Variants in ASTN2 observed in about 807,000 individuals in gnomAD.
ASTN2 encodes the protein astrotactin-2.
ASTN2 carries 54 observed loss-of-function variants against 139.8 expected under a neutral mutation model. That is an observed-to-expected ratio of 0.39 (90% confidence interval 0.31 to 0.48). The LOEUF is 0.48. ASTN2 is among the 20% of genes least tolerant of loss of function. The pLI is 0.95. For synonymous variants in ASTN2, 756 were observed against 719.5 expected (o/e 1.05, Z -0.81); for missense variants, 1,565 against 1,725.1 (o/e 0.91, Z 1.64).
intron 10 of ASTN2, among the ~76,000 whole-genome samples, chr9:116,864,299 G>A (rs1359863307): frequency 6.6e-6 from 1 of 152,094 alleles, no homozygotes; most frequent in Non-Finnish European, 1.5e-5. Context: ...GCAGAGCCAA[G>A]ACACAAACGC....
chr9:116,594,196 G>A (rs1211998232), intron 19 of ASTN2, among the ~76,000 whole-genome samples: 1 of 152,200 alleles, frequency 6.6e-6, no homozygotes, highest in Non-Finnish European at 1.5e-5. Context: ...TACATCAATA[G>A]TAATCTTGTG....
chr9:117,094,181 AGGGAG>A (rs1828781071), intron 5 of ASTN2, among the ~76,000 whole-genome samples: 1 of 74,306 alleles, frequency 1.3e-5, no homozygotes, highest in Non-Finnish European at 2.6e-5. Flanking sequence ...GAAGGGAGGG[AGGGAG>A]GAGAGGAGAG....
chr9:117,228,897 AG>A (rs1323604366), intron 2 of ASTN2, among the ~76,000 whole-genome samples: 2 of 151,984 alleles, frequency 1.3e-5, no homozygotes, highest in African/African-American at 2.4e-5. Flanking sequence ...TGCCTATATT[AG>A]GGGGGCTGAG....
At chr9:116,855,800 G>A (rs548451822) in intron 11 of ASTN2, among the ~76,000 whole-genome samples, 1 of 152,272 alleles carries the variant, frequency 6.6e-6, no homozygotes, top group South Asian at 2.1e-4. Context: ...TAAAATGGGA[G>A]TAATAATAAT....
At position 117,085,629 on chromosome 9, in the gene ASTN2, T is replaced by G. The variant is rs115361796; in HGVS notation, c.1276+10415A>C. 8.3e-3 allele frequency among the ~76,000 whole-genome samples: 1,260 copies of G among 152,306 alleles called. 18 individuals carry two copies. Among genetic ancestry groups the G allele is most frequent in the African/African-American group, 0.029 (1,214 of 41,568 alleles). On this transcript the variant is annotated intron_variant, in intron 5 of 22. Transcript: ENST00000313400. Reference sequence around the variant, plus strand: ...GGATGCTGCCTTTTGTCCTCCATACTGAACTAACTTTTCAGTGCCTGAGCT... The same window carrying G: ...GGATGCTGCCTTTTGTCCTCCATACGGAACTAACTTTTCAGTGCCTGAGCT...
chr9:117,352,140 C>T (rs1829411432), intron 1 of ASTN2, among the ~76,000 whole-genome samples: 1 of 152,114 alleles, frequency 6.6e-6, no homozygotes, highest in Admixed American at 6.5e-5. Flanking sequence ...TGTCTTCAGC[C>T]CTGGGCTGAG....
At chr9:116,565,423 A>G (rs5017822) in intron 19 of ASTN2, among the ~76,000 whole-genome samples, 2 of 67,726 alleles carry the variant, frequency 3.0e-5, no homozygotes, top group Non-Finnish European at 5.8e-5. Flanking sequence ...ATATATATAT[A>G]TATATATTTA....
chr9:116,931,937 A>G (rs1834909235), intron 10 of ASTN2, among the ~76,000 whole-genome samples: 1 of 152,122 alleles, frequency 6.6e-6, no homozygotes, highest in African/African-American at 2.4e-5. Flanking sequence ...AATAGCAATC[A>G]CAAAGGGATG....
At chr9:116,746,795 C>T (rs1347196647) in intron 13 of ASTN2, among the ~76,000 whole-genome samples, 3 of 152,084 alleles carry the variant, frequency 2.0e-5, no homozygotes, top group Admixed American at 6.6e-5. Context: ...ACTGTTGTTC[C>T]CAGTCACCCT....
At chr9:117,055,579 G>A (rs1297205379) in intron 5 of ASTN2, among the ~76,000 whole-genome samples, 2 of 152,230 alleles carry the variant, frequency 1.3e-5, no homozygotes, top group South Asian at 2.1e-4. Flanking sequence ...ATCTCGTTGA[G>A]CAAAGGCAAT....
intron 6 of ASTN2, among the ~76,000 whole-genome samples, chr9:117,032,051 T>C (rs1177025006): frequency 6.6e-6 from 1 of 152,154 alleles, no homozygotes; most frequent in Non-Finnish European, 1.5e-5. Context: ...CTGTGGCAGT[T>C]GTCTCAATGA....
chr9:117,214,332 A>G (rs1337621455), intron 3 of ASTN2, 26 bp downstream of exon 3: 1 of 1,537,212 alleles, frequency 6.5e-7, no homozygotes, highest in Non-Finnish European at 8.9e-7. Flanking sequence ...CCCCCTGGAA[A>G]ATGGGCTGTG....
At chr9:117,325,351 G>A (rs1828479685) in intron 1 of ASTN2, among the ~76,000 whole-genome samples, 1 of 152,102 alleles carries the variant, frequency 6.6e-6, no homozygotes, top group South Asian at 2.1e-4. Flanking sequence ...GCAGACAGTT[G>A]CCCTCCTCCT....
chr9:117,324,590 T>C (rs546152613), intron 1 of ASTN2, among the ~76,000 whole-genome samples: 140 of 152,198 alleles, frequency 9.2e-4, no homozygotes, highest in Admixed American at 1.8e-3. Flanking sequence ...TCCCTTGACA[T>C]GTGGGGATTA....
intron 1 of ASTN2, among the ~76,000 whole-genome samples, chr9:117,393,383 G>T (rs2130948540): frequency 6.6e-6 from 1 of 152,126 alleles, no homozygotes; most frequent in African/African-American, 2.4e-5. Flanking sequence ...CACACACACA[G>T]ATGTAGAGAA....
chr9:116,790,683 T>C (rs1830504874), intron 13 of ASTN2, among the ~76,000 whole-genome samples: 1 of 150,840 alleles, frequency 6.6e-6, no homozygotes, highest in Non-Finnish European at 1.5e-5. Context: ...AGAGATTTTT[T>C]TTTTTTTTTT....
chr9:116,494,525 T>C (rs2119113539), intron 19 of ASTN2, among the ~76,000 whole-genome samples: 2 of 152,112 alleles, frequency 1.3e-5, no homozygotes, highest in East Asian at 3.9e-4. Flanking sequence ...AAGAAGACAT[T>C]TTGAATGGAA....
At position 116,423,489 on chromosome 9, in the gene ASTN2, C is replaced by G. The variant is rs1178950907; in HGVS notation, c.*2362G>C. Among the ~76,000 whole-genome samples the G allele has an allele frequency of 6.6e-6, 1 of 152,156 alleles. No individual in the cohort carries two copies. Among genetic ancestry groups the G allele is most frequent in the African/African-American group, 2.4e-5 (1 of 41,434 alleles). On this transcript the variant is annotated 3_prime_UTR_variant, in exon 23 of 23. Transcript: ENST00000313400. ...CTGCAACTGTTGAGCTAAATTGTTC[C>G]TCGGGTTGGGTCAAGACAATGGAAA...
intron 4 of ASTN2, among the ~76,000 whole-genome samples, chr9:117,109,332 CAAAA>C (rs1274167151): frequency 3.3e-5 from 3 of 91,578 alleles, no homozygotes; most frequent in African/African-American, 1.1e-4. Flanking sequence ...GACCCTGTCT[CAAAA>C]AATAAATAAA....
Sources: allele counts gnomAD v4.1 joint callset (sites outside exome capture counted in the v4.1 genomes callset), GRCh38; gene constraint gnomAD v4.1.1; transcripts MANE v1.5; gene names NCBI Gene and HGNC (gene_info 2026-07-23, HGNC 2026-07-21).